YPEL2: variants seen among roughly 807,000 people sequenced by gnomAD.
The protein encoded by YPEL2 is protein yippee-like 2.
Under a neutral mutation model 19.1 loss-of-function variants are expected in YPEL2, and 2 were observed. That is an observed-to-expected ratio of 0.10 (90% CI 0.04 to 0.33). The LOEUF is 0.33. Ranked by LOEUF, YPEL2 falls within the 10% of genes least tolerant of loss-of-function variation. The pLI is 1.00. For synonymous variants in YPEL2, 52 were observed against 50.0 expected, an observed-to-expected ratio of 1.04 and a Z score of -0.17; for missense variants, 66 against 140.7, an observed-to-expected ratio of 0.47 and a Z score of 2.68.
chr17:59,382,312 G>A (rs1437647123), intron 2 of YPEL2, among the ~76,000 whole-genome samples: 1 of 152,226 alleles, frequency 6.6e-6, no homozygotes, highest in Admixed American at 6.5e-5. Context: ...CCTGGAAGAA[G>A]CCATGGGCCC....
chr17:59,353,685 G>A lies in YPEL2; in HGVS notation c.117+159G>A, dbSNP rs776335860. On this transcript the variant is annotated intron_variant, in intron 2 of 4. Coordinates refer to ENST00000312655, the MANE Select transcript of YPEL2 (RefSeq NM_001005404.4). This position sits in a 1 kb window ranked among gnomAD's most constrained non-coding sequence, Gnocchi z 4.8. ...GTCTCACTCAACTGAGAAAAACTCT[G>A]AGTTGGAGGGACAGAGTAGTCATTT... 2.7e-4 allele frequency: 186 copies of A among 694,580 alleles called. No homozygotes were observed. Among genetic ancestry groups the A allele is most frequent in the Admixed American group, 6.4e-4 (32 of 49,680 alleles). 43.0% of individuals were successfully genotyped at this position (694,580 alleles called of 1,614,324 possible).
rs545854716 is a variant in YPEL2, at chr17:59,359,429, C to T, written c.117+5903C>T. Among the ~76,000 whole-genome samples the T allele has an allele frequency of 3.7e-4, 56 of 152,098 alleles. No homozygotes were observed. In the East Asian group the frequency reaches 7.3e-3, roughly 20 times the overall value. ...AGTGTTGTTAGTGGCTACTGTGTCA[C>T]ATCAGACAGCATAATTCATAAAGGA... is the stretch of plus-strand genomic sequence containing the variant. On this transcript the variant is annotated intron_variant, in intron 2 of 4. Coordinates refer to ENST00000312655, the MANE Select transcript of YPEL2 (RefSeq NM_001005404.4).
chr17:59,376,949 C>CAAAAAAAAA, intron 2 of YPEL2, among the ~76,000 whole-genome samples: 1 of 48,544 alleles, frequency 2.1e-5, no homozygotes. Flanking sequence ...CACACTGTCT[C>CAAAAAAAAA]AAAAAAAAAA....
At chr17:59,363,529 A>ACCTG (rs2047852651) in intron 2 of YPEL2, among the ~76,000 whole-genome samples, 1 of 151,734 alleles carries the variant, frequency 6.6e-6, no homozygotes, top group South Asian at 2.1e-4. Context: ...GCTGCTCTCG[A>ACCTG]ACTCCTGACC....
chr17:59,377,352 C>T (rs1005274086), intron 2 of YPEL2, among the ~76,000 whole-genome samples: 1 of 152,182 alleles, frequency 6.6e-6, no homozygotes, highest in African/African-American at 2.4e-5. Context: ...AAGGTTCTGG[C>T]TTATATTTGA....
intron 4 of YPEL2, among the ~76,000 whole-genome samples, chr17:59,396,121 T>G (rs1288483445): frequency 6.6e-6 from 1 of 152,194 alleles, no homozygotes; most frequent in East Asian, 1.9e-4. Flanking sequence ...TTTTCTTATG[T>G]TCTTAGAAAC....
chr17:59,334,390 T>TGC (rs536560689), intron 1 of YPEL2, among the ~76,000 whole-genome samples: 12 of 135,870 alleles, frequency 8.8e-5, no homozygotes, highest in Non-Finnish European at 6.4e-5. Context: ...TCTTTTTATT[T>TGC]GGGGGGGGGT....
intron 1 of YPEL2, among the ~76,000 whole-genome samples, chr17:59,336,856 T>TGTATTC (rs1472498358): frequency 2.0e-5 from 3 of 152,182 alleles, no homozygotes; most frequent in Admixed American, 2.0e-4. Context: ...TTAGAAACCA[T>TGTATTC]GTATTCGCAA....
At chr17:59,377,843 G>A (rs1419916464) in intron 2 of YPEL2, among the ~76,000 whole-genome samples, 1 of 152,238 alleles carries the variant, frequency 6.6e-6, no homozygotes, top group Non-Finnish European at 1.5e-5. Context: ...TAGTTTTGCA[G>A]CTCCCATTTT....
At chr17:59,394,862 G>A (rs952940452) in intron 4 of YPEL2, among the ~76,000 whole-genome samples, 1 of 152,234 alleles carries the variant, frequency 6.6e-6, no homozygotes, top group African/African-American at 2.4e-5. Flanking sequence ...TGAGGCTGGC[G>A]GATCACTCGC....
intron 1 of YPEL2, among the ~76,000 whole-genome samples, chr17:59,349,997 A>G (rs937082785): frequency 6.6e-6 from 1 of 151,288 alleles, no homozygotes; most frequent in Non-Finnish European, 1.5e-5. Context: ...CTTGCTTTCT[A>G]CTTACCTCCT....
chr17:59,333,615 T>A (rs1482507974), intron 1 of YPEL2, among the ~76,000 whole-genome samples: 1 of 152,160 alleles, frequency 6.6e-6, no homozygotes, highest in African/African-American at 2.4e-5. Context: ...TAAAGGTTTT[T>A]TTTTCTACTT....
chr17:59,331,982 T>TGGGCGCCGGGGACGGGGAGC (rs1242916136), intron 1 of YPEL2, among the ~76,000 whole-genome samples, 158 bp downstream of exon 1: 1 of 149,948 alleles, frequency 6.7e-6, no homozygotes, highest in African/African-American at 2.4e-5. Context: ...GGGGTCCCCG[T>TGGGCGCCGGGGACGGGGAGC]GGGCGCCGGG....
chr17:59,341,591 G>A (rs894838437), intron 1 of YPEL2, among the ~76,000 whole-genome samples: 3 of 152,136 alleles, frequency 2.0e-5, no homozygotes, highest in Non-Finnish European at 2.9e-5. Context: ...CCTGGGAGGC[G>A]CAGGTTGCAG....
At chr17:59,336,902 A>G (rs2047701262) in intron 1 of YPEL2, among the ~76,000 whole-genome samples, 1 of 152,214 alleles carries the variant, frequency 6.6e-6, no homozygotes, top group Non-Finnish European at 1.5e-5. Context: ...GGAAGAAGTA[A>G]CAGTTACAGA....
chr17:59,335,896 C>T (rs548226899), intron 1 of YPEL2, among the ~76,000 whole-genome samples: 1 of 152,312 alleles, frequency 6.6e-6, no homozygotes, highest in African/African-American at 2.4e-5. Context: ...GTTCTCAGAG[C>T]TACTTCCTGA....
At chr17:59,350,973 G>A (rs546095191) in intron 1 of YPEL2, among the ~76,000 whole-genome samples, 18 of 152,210 alleles carry the variant, frequency 1.2e-4, no homozygotes, top group African/African-American at 3.9e-4. Context: ...CCTGGGGGAA[G>A]CCTACTGCTT....
At chr17:59,345,786 G>A (rs1348438575) in intron 1 of YPEL2, among the ~76,000 whole-genome samples, 1 of 152,156 alleles carries the variant, frequency 6.6e-6, no homozygotes, top group Non-Finnish European at 1.5e-5. Flanking sequence ...AGCTAATCGG[G>A]ATTATTGAGT....
chr17:59,336,554 A>G (rs1018202620), intron 1 of YPEL2, among the ~76,000 whole-genome samples: 1 of 152,174 alleles, frequency 6.6e-6, no homozygotes, highest in Non-Finnish European at 1.5e-5. Context: ...TTTGTTCCTT[A>G]TTTTTAAAAT....
Sources: allele counts gnomAD v4.1 joint callset (sites outside exome capture counted in the v4.1 genomes callset), GRCh38; gene constraint gnomAD v4.1.1; non-coding constraint Gnocchi (gnomAD v3.1); transcripts MANE v1.5; gene names NCBI Gene and HGNC (gene_info 2026-07-23, HGNC 2026-07-21).